COL27A1: variants seen among roughly 807,000 people sequenced by gnomAD.
COL27A1 encodes collagen alpha-1(XXVII) chain.
Under a neutral mutation model 251.3 loss-of-function variants are expected in COL27A1, and 106 were observed. That is an observed-to-expected ratio of 0.42 (90% CI 0.36 to 0.50). COL27A1 has a LOEUF of 0.50. Ranked by LOEUF, COL27A1 falls within the 20% of genes least tolerant of loss-of-function variation. The probability of loss-of-function intolerance (pLI) is 0.00; values close to 1 mark genes in which losing one functional copy is unlikely to be tolerated. For synonymous variants in COL27A1, 1,000 were observed against 986.3 expected (o/e 1.01, Z -0.26); for missense variants, 2,325 against 2,522.8 (o/e 0.92, Z 1.68).
chr9:114,310,638 T>G lies in COL27A1; in HGVS notation c.5526T>G (p.Pro1842=), dbSNP rs2131705418. The G allele has an allele frequency of 4.3e-6, 7 of 1,614,140 alleles. No individual in the cohort carries two copies. Among genetic ancestry groups the G allele is most frequent in the Non-Finnish European group, 3.4e-6 (4 of 1,180,040 alleles). ...QLPIISVDNL[P]PASSGKQYRL... ...CCATCATCAGTGTGGACAACCTCCC[T>G]CCTGCCTCATCAGGGAAGCAGTACC... is the stretch of plus-strand genomic sequence containing the variant. The change falls in exon 61 of 61, where the codon CCT becomes CCG. Residue 1842 remains proline, a synonymous_variant. Transcript: ENST00000356083.
intron 4 of COL27A1, 59 bp from the exon 5 acceptor site, chr9:114,182,963 G>A: frequency 1.4e-6 from 2 of 1,458,242 alleles, no homozygotes; most frequent in Non-Finnish European, 1.9e-6. Context: ...TGCTGTCAGA[G>A]GCGAGATGGC....
chr9:114,264,872 A>T (rs369758090), intron 29 of COL27A1, 52 bp from the exon 30 acceptor site: 527 of 1,564,818 alleles, frequency 3.4e-4, no homozygotes, highest in Non-Finnish European at 4.3e-4. Context: ...CTTTTTGGGG[A>T]ACGGTCCTCC....
intron 7 of COL27A1, among the ~76,000 whole-genome samples, chr9:114,198,219 C>T (rs1174668911): frequency 1.3e-5 from 2 of 152,212 alleles, no homozygotes; most frequent in Admixed American, 1.3e-4. Context: ...TTATTGAATG[C>T]CTATAATGTG....
At chr9:114,304,700 G>C (rs1344446524) in intron 57 of COL27A1, 27 bp downstream of exon 57, 18 of 1,606,408 alleles carry the variant, frequency 1.1e-5, no homozygotes, top group Non-Finnish European at 1.5e-5. Context: ...TCCCCATGTG[G>C]GATCCCTTCC....
chr9:114,284,503 A>G (rs1827321548), intron 40 of COL27A1, among the ~76,000 whole-genome samples: 1 of 152,134 alleles, frequency 6.6e-6, no homozygotes, highest in South Asian at 2.1e-4. Flanking sequence ...TGGGGCCCCC[A>G]ACCATCCCAG....
Position 114,167,900 on chromosome 9 carries a change from C to T in COL27A1, c.345C>T (p.Phe115=), listed in dbSNP as rs749400167. 1.6e-5 allele frequency: 25 copies of T among 1,612,800 alleles called. No individual in the cohort carries two copies. Among genetic ancestry groups the T allele is most frequent in the Middle Eastern group, 1.6e-4 (1 of 6,084 alleles). ...CSHRVNHAFL[F]AVRSQKRKLQ... is the part of the protein sequence containing the mutation. ...ACCGGGTGAACCATGCCTTCCTCTT[C>T]GCTGTCCGCAGCCAGAAACGCAAGC... Residue 115 remains phenylalanine (F), a synonymous_variant, in exon 3 of 61, where the codon TTC becomes TTT. Transcript: ENST00000356083.
intron 49 of COL27A1, among the ~76,000 whole-genome samples, chr9:114,293,127 A>G (rs770286110): frequency 6.6e-6 from 1 of 152,226 alleles, no homozygotes; most frequent in Non-Finnish European, 1.5e-5. Flanking sequence ...CACATCCAAT[A>G]TCAGCAAGAT....
chr9:114,274,725 G>A (rs1193131748), intron 36 of COL27A1, among the ~76,000 whole-genome samples: 1 of 152,172 alleles, frequency 6.6e-6, no homozygotes, highest in Admixed American at 6.5e-5. Context: ...TGCCTTTAGA[G>A]CTTAGTTTAC....
At position 114,157,338 on chromosome 9, in the gene COL27A1, G is replaced by A. The variant is rs572536203; in HGVS notation, c.62+1326G>A. On this transcript the variant is annotated intron_variant, in intron 1 of 60. Transcript: ENST00000356083. ...TGTCCTGCATCATGTGCGCTCTGGC[G>A]CCAGCATACCTCTGCTCTCCAGCAT... 8.1e-4 allele frequency among the ~76,000 whole-genome samples: 124 copies of A among 152,194 alleles called. 1 individual carries two copies. The highest frequency in any genetic ancestry group is 2.9e-3 in the African/African-American group (119 of 41,570).
chr9:114,307,926 T>G lies in COL27A1; in HGVS notation c.5217+148T>G, dbSNP rs1588908251. 3.2e-5 allele frequency: 19 copies of G among 591,062 alleles called. No individual in the cohort carries two copies. The East Asian group carries it at 5.5e-4, about 17-fold the overall frequency. 36.6% of individuals were successfully genotyped at this position (591,062 alleles called of 1,614,324 possible). A position where few individuals can be genotyped will look rare whatever the true frequency, so the allele number is the denominator to read the frequency against. On this transcript the variant is annotated intron_variant, in intron 59 of 60. Coordinates refer to ENST00000356083, the MANE Select transcript of COL27A1 (RefSeq NM_032888.4). ...GTTATCGCCTCCTTCCGAGACTCAG[T>G]TTCCTTATCTATAAATTGGGAGTGA... is the stretch of plus-strand genomic sequence containing the variant.
chr9:114,177,525 T>G (rs543451108), intron 3 of COL27A1, among the ~76,000 whole-genome samples: 15 of 152,252 alleles, frequency 9.9e-5, no homozygotes, highest in Admixed American at 9.2e-4. Flanking sequence ...GACCATGCTG[T>G]GGCCATGGGA....
chr9:114,162,205 A>T (rs995551113), intron 1 of COL27A1, among the ~76,000 whole-genome samples: 1 of 152,030 alleles, frequency 6.6e-6, no homozygotes, highest in African/African-American at 2.4e-5. Flanking sequence ...CCTGTGTGGG[A>T]ATTGGTCTCC....
At chr9:114,229,166 G>C (rs961397125) in intron 14 of COL27A1, among the ~76,000 whole-genome samples, 1 of 152,242 alleles carries the variant, frequency 6.6e-6, no homozygotes, top group African/African-American at 2.4e-5. Context: ...CAGCTGGGAG[G>C]TTTTGTTTAA....
intron 32 of COL27A1, 79 bp downstream of exon 32, chr9:114,265,554 A>G: frequency 7.1e-7 from 1 of 1,399,322 alleles, no homozygotes. Context: ...AGATAAGGAG[A>G]AGGGTTGGAA....
Position 114,250,678 on chromosome 9 carries a change from G to A in COL27A1, c.3033+10G>A. 6.2e-7 allele frequency: 1 copy of A among 1,610,368 alleles called. No individual in the cohort carries two copies. Among genetic ancestry groups the A allele is most frequent in the Non-Finnish European group, 8.5e-7 (1 of 1,176,750 alleles). On this transcript the variant is annotated intron_variant, in intron 25 of 60. Transcript: ENST00000356083. ...AATCGTGGGAGAAAAGGTAAGTGGT[G>A]TTGAGGGGAAAAGATAAACAATTAG...
intron 3 of COL27A1, among the ~76,000 whole-genome samples, chr9:114,175,115 G>A (rs1827310651): frequency 6.6e-6 from 1 of 152,266 alleles, no homozygotes; most frequent in Non-Finnish European, 1.5e-5. Flanking sequence ...CCTAGATCTG[G>A]CTGTCAGAGG....
At chr9:114,240,627 C>T in intron 21 of COL27A1, 140 bp downstream of exon 21, 1 of 734,108 alleles carries the variant, frequency 1.4e-6, no homozygotes, top group South Asian at 1.8e-5. Flanking sequence ...CCAGACTTAC[C>T]CACCAGCTCA....
Position 114,306,614 on chromosome 9 carries a change from C to A in COL27A1, c.5033C>A (p.Thr1678Lys). The A allele has an allele frequency of 6.2e-7, 1 of 1,614,148 alleles. No individual in the cohort carries two copies. The highest frequency in any genetic ancestry group is 8.5e-7 in the Non-Finnish European group (1 of 1,180,026). ...AGCAACCTCATCCAGAGCATTAAGA[C>A]GCCCCTGGGCACCAAAGAGAACCCC... The part of the protein sequence containing the change: ...YLSNLIQSIK[T>K]PLGTKENPAR... The change falls in exon 58 of 61, where the codon ACG becomes AAG. Residue 1678 changes from threonine to lysine, a missense_variant. Coordinates refer to ENST00000356083, the MANE Select transcript of COL27A1 (RefSeq NM_032888.4).
chr9:114,186,964 G>A (rs1171032664), intron 5 of COL27A1, among the ~76,000 whole-genome samples: 1 of 152,188 alleles, frequency 6.6e-6, no homozygotes, highest in Non-Finnish European at 1.5e-5. Flanking sequence ...AGTGCTCCCT[G>A]CACTGGGCCA....
Sources: allele counts gnomAD v4.1 joint callset (sites outside exome capture counted in the v4.1 genomes callset), GRCh38; gene constraint gnomAD v4.1.1; transcripts MANE v1.5; gene names NCBI Gene and HGNC (gene_info 2026-07-23, HGNC 2026-07-21).